The following ZNF679 variants were observed in gnomAD, a reference collection of about 807,000 sequenced individuals.
ZNF679 encodes the protein hypothetical protein MGC42415.
Under a neutral mutation model 13.4 loss-of-function variants are expected in ZNF679, and 10 were observed. The ratio of observed to expected loss-of-function variants is 0.75; its 90% CI spans 0.46 to 1.27. The LOEUF is 1.27. Ranked by LOEUF, ZNF679 falls within the 50% of genes most tolerant of loss-of-function variation. The pLI is 0.00. For synonymous variants in ZNF679, 179 were observed against 162.5 expected (o/e 1.10, Z -0.77); for missense variants, 525 against 477.8 (o/e 1.10, Z -0.92).
rs772173818 is a variant in ZNF679 at position 64,265,974 on chromosome 7, G to C, written c.341G>C (p.Arg114Thr). The change falls in exon 5 of 5, where the codon AGA becomes ACA. Residue 114 changes from arginine (R) to threonine (T), a missense_variant. By Grantham distance (71) the Arg-to-Thr change is moderately conservative. Transcript: ENST00000421025. Reference protein sequence around the residue: ...KDSLQKVIPRRYGKSGHDNLQ... With the variant: ...KDSLQKVIPRTYGKSGHDNLQ... ...TCACTCCAAAAAGTAATACCAAGAA[G>C]ATATGGAAAAAGTGGACATGACAAT... 7 of 1,613,792 alleles carry C rather than the reference G, an allele frequency of 4.3e-6. No individual in the cohort carries two copies. The highest frequency in any genetic ancestry group is 4.5e-5 in the East Asian group (2 of 44,850).
intron 2 of ZNF679, among the ~76,000 whole-genome samples, chr7:64,254,345 G>T (rs1336260971): frequency 1.3e-5 from 2 of 151,846 alleles, no homozygotes; most frequent in East Asian, 3.9e-4. Context: ...TCAAACTCCT[G>T]ACCTCAGGTG....
chr7:64,239,027 G>T (rs920590465), intron 1 of ZNF679, among the ~76,000 whole-genome samples: 1 of 152,092 alleles, frequency 6.6e-6, no homozygotes, highest in East Asian at 1.9e-4. Flanking sequence ...AATAAACCCC[G>T]TGGGTGGTAC....
At chr7:64,255,985 A>G (rs2115582114) in intron 2 of ZNF679, among the ~76,000 whole-genome samples, 1 of 152,198 alleles carries the variant, frequency 6.6e-6, no homozygotes, top group South Asian at 2.1e-4. Context: ...AAATCATATC[A>G]TGAAGTTTTT....
At chr7:64,231,219 A>T (rs988059666) in intron 1 of ZNF679, among the ~76,000 whole-genome samples, 1 of 152,204 alleles carries the variant, frequency 6.6e-6, no homozygotes, top group Non-Finnish European at 1.5e-5. Flanking sequence ...AATCTTTTCT[A>T]TTGTCTTGGT....
At chr7:64,255,589 C>T (rs1787995087) in intron 2 of ZNF679, among the ~76,000 whole-genome samples, 1 of 149,512 alleles carries the variant, frequency 6.7e-6, no homozygotes, top group African/African-American at 2.5e-5. Context: ...ACTTACCTTG[C>T]ACTCTTTCCC....
In ZNF679 at chr7:64,245,675, T is replaced by C. The variant is rs564579918; in HGVS notation, c.-90-3353T>C. 3.3e-5 allele frequency among the ~76,000 whole-genome samples: 5 copies of C among 152,284 alleles called. No homozygotes were observed. The East Asian group carries it at 9.7e-4, about 29-fold the overall frequency. ...ATGATCCTGTACTCATCTAATTCTGTCAGCCACAGTCATCAGCAAAAAATG... is the reference window on the plus strand; with the variant it reads ...ATGATCCTGTACTCATCTAATTCTGCCAGCCACAGTCATCAGCAAAAAATG... On this transcript the variant is annotated intron_variant, in intron 1 of 4. Transcript: ENST00000421025.
At position 64,235,903 on chromosome 7, in the gene ZNF679, A is replaced by G. The variant is rs1584224716; in HGVS notation, c.-91+7251A>G. ...TAGATTTCATAGATACTTAAAAGAC[A>G]CAAAAAAGATAAGAAGCAGAGAAAG... On this transcript the variant is annotated intron_variant, in intron 1 of 4. Coordinates refer to ENST00000421025, the MANE Select transcript of ZNF679 (RefSeq NM_153363.3). 2.3e-5 allele frequency among the ~76,000 whole-genome samples: 3 copies of G among 128,556 alleles called. No individual in the cohort carries two copies. In the East Asian group the frequency reaches 7.4e-4, roughly 32 times the overall value. 84.3% of individuals were successfully genotyped at this position (128,556 alleles called of 152,430 possible).
chr7:64,251,896 G>A (rs1431991154), intron 2 of ZNF679, among the ~76,000 whole-genome samples: 9 of 152,156 alleles, frequency 5.9e-5, no homozygotes, highest in South Asian at 2.1e-4. Context: ...AATCCCTTGC[G>A]ACATTAGAAT....
intron 1 of ZNF679, among the ~76,000 whole-genome samples, chr7:64,245,575 TGAAA>T (rs1240222956): frequency 2.0e-5 from 3 of 152,146 alleles, no homozygotes; most frequent in East Asian, 1.9e-4. Context: ...TTGTTGGTTG[TGAAA>T]GAATCTTTTT....
intron 1 of ZNF679, among the ~76,000 whole-genome samples, chr7:64,243,798 A>G (rs1291770091): frequency 1.3e-5 from 2 of 152,218 alleles, no homozygotes; most frequent in African/African-American, 4.8e-5. Flanking sequence ...CACGTCTGTG[A>G]AAAGGTCCAG....
chr7:64,241,727 G>A (rs931847295), intron 1 of ZNF679, among the ~76,000 whole-genome samples: 10 of 152,156 alleles, frequency 6.6e-5, no homozygotes, highest in African/African-American at 1.4e-4. Context: ...GACCCAGGCC[G>A]AAAAAGAGAC....
chr7:64,257,306 AC>A (rs1205832340), intron 2 of ZNF679, among the ~76,000 whole-genome samples: 1 of 151,990 alleles, frequency 6.6e-6, no homozygotes, highest in Non-Finnish European at 1.5e-5. Flanking sequence ...TAGTTTCAAA[AC>A]TTTTTTTATT....
chr7:64,236,959 AAGAAAGAAAGAAAGAAAAAG>A (rs1787729821), intron 1 of ZNF679, among the ~76,000 whole-genome samples: 1 of 31,198 alleles, frequency 3.2e-5, no homozygotes, highest in African/African-American at 1.1e-4. Flanking sequence ...GAAAGAAAGA[AAGAAAGAAAGAAAGAAAAAG>A]AAAGAAAGAA....
In ZNF679 at chr7:64,237,190, A is replaced by G. The variant is rs542185362; in HGVS notation, c.-91+8538A>G. Among the ~76,000 whole-genome samples, 37 of 152,302 alleles carry G rather than the reference A, an allele frequency of 2.4e-4. No individual in the cohort carries two copies. In the South Asian group the frequency reaches 7.5e-3, roughly 31 times the overall value. On this transcript the variant is annotated intron_variant, in intron 1 of 4. Transcript: ENST00000421025. ...TGGAGAAAACGGGTCACTGGTGCAGATTCAAGATCTGGGCATAAAAAGAAA... is the reference window on the plus strand; with the variant it reads ...TGGAGAAAACGGGTCACTGGTGCAGGTTCAAGATCTGGGCATAAAAAGAAA...
intron 1 of ZNF679, among the ~76,000 whole-genome samples, chr7:64,247,982 T>G (rs773724022): frequency 2.6e-5 from 4 of 152,120 alleles, no homozygotes; most frequent in Non-Finnish European, 5.9e-5. Flanking sequence ...ATTAGTCCAT[T>G]TTCACACTGC....
chr7:64,254,582 A>G (rs995520230), intron 2 of ZNF679, among the ~76,000 whole-genome samples: 1 of 152,084 alleles, frequency 6.6e-6, no homozygotes, highest in Non-Finnish European at 1.5e-5. Context: ...GAATTCTGTG[A>G]GTATCTCTAT....
At chr7:64,247,709 G>C (rs987307353) in intron 1 of ZNF679, among the ~76,000 whole-genome samples, 111 of 152,118 alleles carry the variant, frequency 7.3e-4, no homozygotes, top group African/African-American at 2.5e-3. Flanking sequence ...CTGTCACCAT[G>C]CTTGGCTAAT....
Position 64,249,011 on chromosome 7 carries a change from T to A in ZNF679, c.-90-17T>A. On this transcript the variant is annotated splice_polypyrimidine_tract_variant and intron_variant, in intron 1 of 4. Coordinates refer to ENST00000421025, the MANE Select transcript of ZNF679 (RefSeq NM_153363.3). ...CCTCCGTAATTTTCCGGGTCCTTTG[T>A]GTTTCTCTGCGTCCAGAGCTCCAGT... The A allele has an allele frequency of 6.5e-7, 1 of 1,536,444 alleles. No homozygotes were observed. Among genetic ancestry groups the A allele is most frequent in the Non-Finnish European group, 8.9e-7 (1 of 1,126,988 alleles).
intron 1 of ZNF679, among the ~76,000 whole-genome samples, chr7:64,239,429 C>T (rs1787765556): frequency 6.6e-6 from 1 of 152,136 alleles, no homozygotes; most frequent in East Asian, 1.9e-4. Context: ...GAGTCCCATT[C>T]CTGGGCCTTC....
Sources: gnomAD v4.1 joint callset for allele counts (sites outside exome capture counted in the v4.1 genomes callset) on GRCh38, gnomAD v4.1.1 for gene constraint, MANE v1.5 for transcripts, NCBI Gene and HGNC (gene_info 2026-07-23, HGNC 2026-07-21) for gene names.